Variants in SNX10 observed in about 807,000 individuals in gnomAD.
The protein encoded by SNX10 is sorting nexin 10.
In SNX10, 25 loss-of-function variants were observed where a neutral mutation model predicts 28.5. That is an observed-to-expected ratio of 0.88 (90% CI 0.64 to 1.22). SNX10 has a LOEUF of 1.22. Ranked by LOEUF, SNX10 falls within the 50% of genes most tolerant of loss-of-function variation. The pLI is 0.00. For missense variants in SNX10, 223 were observed against 242.6 expected (o/e 0.92, Z 0.54); for synonymous variants, 62 against 81.4 (o/e 0.76, Z 1.28).
At chr7:26,346,959 A>C (rs902357510) in intron 2 of SNX10, among the ~76,000 whole-genome samples, 6 of 152,280 alleles carry the variant, frequency 3.9e-5, no homozygotes, top group African/African-American at 1.4e-4. Flanking sequence ...CCTCTCCCTG[A>C]CTGGGAGGAG....
At position 26,362,887 on chromosome 7, in the gene SNX10, C is replaced by A. The variant is rs2699808; in HGVS notation, c.112-1648C>A. Among the ~76,000 whole-genome samples the A allele has an allele frequency of 1.2e-3, 187 of 152,042 alleles. 2 individuals are homozygous for A. Among genetic ancestry groups the A allele is most frequent in the Non-Finnish European group, 1.6e-3 (111 of 67,978 alleles). ...CCCTGCAAATGAAGGACTTATGGAT[C>A]GACCTTAGTCTGGTGTAGGTACCAG... On this transcript the variant is annotated intron_variant, in intron 3 of 6. Coordinates refer to ENST00000338523, the MANE Select transcript of SNX10 (RefSeq NM_013322.3).
chr7:26,296,728 G>T (rs906111949), intron 1 of SNX10, among the ~76,000 whole-genome samples: 5 of 152,200 alleles, frequency 3.3e-5, no homozygotes, highest in African/African-American at 1.2e-4. Context: ...AATATATCAG[G>T]TAGGTAGGAC....
At chr7:26,309,533 C>CT (rs1428690365) in intron 1 of SNX10, among the ~76,000 whole-genome samples, 2 of 152,130 alleles carry the variant, frequency 1.3e-5, no homozygotes, top group African/African-American at 2.4e-5. Flanking sequence ...ATGCACTGCA[C>CT]TTTTCTCAGT....
chr7:26,356,372 T>C (rs1281521728), intron 2 of SNX10, among the ~76,000 whole-genome samples: 1 of 152,228 alleles, frequency 6.6e-6, no homozygotes, highest in Admixed American at 6.5e-5. Context: ...GAAGCAATTT[T>C]CCTAGGAAAT....
intron 5 of SNX10, among the ~76,000 whole-genome samples, chr7:26,371,290 A>C (rs1032005230): frequency 3.9e-5 from 6 of 152,198 alleles, no homozygotes; most frequent in African/African-American, 1.4e-4. Context: ...TATTAAAAAA[A>C]GCCATCTCTC....
intron 1 of SNX10, among the ~76,000 whole-genome samples, chr7:26,292,723 G>A (rs1358106853): frequency 6.6e-6 from 1 of 152,208 alleles, no homozygotes; most frequent in Non-Finnish European, 1.5e-5. Context: ...CTGAAAGGAA[G>A]GGCTTCTATC....
intron 2 of SNX10, among the ~76,000 whole-genome samples, chr7:26,358,226 A>G (rs1562816630): frequency 6.6e-6 from 1 of 152,208 alleles, no homozygotes; most frequent in Non-Finnish European, 1.5e-5. Flanking sequence ...ACACGGTGAC[A>G]AGAGATGGAG....
intron 1 of SNX10, among the ~76,000 whole-genome samples, chr7:26,306,999 C>T (rs1017769273): frequency 2.6e-5 from 4 of 152,184 alleles, no homozygotes; most frequent in African/African-American, 7.2e-5. Flanking sequence ...CTACTTTTAC[C>T]ACTCACTGTG....
At chr7:26,349,601 C>A (rs1195055288) in intron 2 of SNX10, among the ~76,000 whole-genome samples, 2 of 152,106 alleles carry the variant, frequency 1.3e-5, no homozygotes, top group Non-Finnish European at 2.9e-5. Flanking sequence ...TTCATGCATG[C>A]AACTTTAATT....
intron 1 of SNX10, among the ~76,000 whole-genome samples, chr7:26,312,833 A>G (rs1326773839): frequency 6.6e-6 from 1 of 152,200 alleles, no homozygotes; most frequent in Non-Finnish European, 1.5e-5. Flanking sequence ...GCTTGCTCTT[A>G]TGCATAATTG....
intron 1 of SNX10, among the ~76,000 whole-genome samples, chr7:26,298,827 C>A (rs914088099): frequency 3.9e-5 from 6 of 152,342 alleles, no homozygotes; most frequent in Middle Eastern, 3.4e-3. Context: ...CGCCTTCGTG[C>A]TGCGTCCTCA....
chr7:26,336,304 C>T (rs1251747713), intron 1 of SNX10, among the ~76,000 whole-genome samples: 1 of 151,916 alleles, frequency 6.6e-6, no homozygotes, highest in Admixed American at 6.5e-5. Flanking sequence ...ATAATCCTAC[C>T]ACTTAGAAAT....
At chr7:26,305,538 G>A (rs1173476497) in intron 1 of SNX10, among the ~76,000 whole-genome samples, 1 of 152,150 alleles carries the variant, frequency 6.6e-6, no homozygotes, top group Non-Finnish European at 1.5e-5. Context: ...CTGTAGCTCT[G>A]GGCTCTGGAA....
chr7:26,367,724 C>G (rs568978896), intron 5 of SNX10, among the ~76,000 whole-genome samples: 9 of 152,158 alleles, frequency 5.9e-5, no homozygotes, highest in Non-Finnish European at 1.3e-4. Flanking sequence ...TGATGTGTAC[C>G]TTGGCACTGT....
At chr7:26,320,835 A>G (rs1787283075) in intron 1 of SNX10, among the ~76,000 whole-genome samples, 2 of 152,230 alleles carry the variant, frequency 1.3e-5, no homozygotes, top group South Asian at 4.1e-4. Flanking sequence ...TTTGTGCAGC[A>G]TGGACATCTC....
intron 2 of SNX10, chr7:26,360,721 A>G: frequency 1.4e-6 from 1 of 719,038 alleles, no homozygotes; most frequent in South Asian, 2.9e-5. Flanking sequence ...TCAGATAACC[A>G]GTAAAACTAT....
chr7:26,313,287 A>G (rs1786925707), intron 1 of SNX10, among the ~76,000 whole-genome samples: 1 of 152,248 alleles, frequency 6.6e-6, no homozygotes, highest in South Asian at 2.1e-4. Flanking sequence ...TCCAGTGTAT[A>G]ATACAGTATT....
At chr7:26,365,207 G>C in intron 5 of SNX10, 62 bp downstream of exon 5, 1 of 954,662 alleles carries the variant, frequency 1.0e-6, no homozygotes, top group Non-Finnish European at 1.7e-6. Context: ...TACAAGAGCT[G>C]CATGGTGGTG....
chr7:26,360,799 A>G, intron 2 of SNX10, 176 bp from the exon 3 acceptor site: 1 of 984,746 alleles, frequency 1.0e-6, no homozygotes, highest in Non-Finnish European at 1.2e-6. Context: ...AGTGTGTTCT[A>G]GATTTGCTCG....
Sources: gnomAD v4.1 joint callset for allele counts (sites outside exome capture counted in the v4.1 genomes callset) on GRCh38, gnomAD v4.1.1 for gene constraint, MANE v1.5 for transcripts, NCBI Gene and HGNC (gene_info 2026-07-23, HGNC 2026-07-21) for gene names.